ZNF490: variants seen among roughly 807,000 people sequenced by gnomAD.
The protein encoded by ZNF490 is zinc finger protein 490.
A neutral mutation model predicts 17.7 loss-of-function variants in ZNF490; 11 were observed. The ratio of observed to expected loss-of-function variants is 0.62; its 90% CI spans 0.39 to 1.03. The LOEUF (loss-of-function observed/expected upper bound fraction) is 1.03, where lower values mean the gene tolerates loss of function less well. ZNF490 is among the 50% of genes least tolerant of loss of function. The pLI is 0.00. For missense variants in ZNF490, 542 were observed against 643.4 expected (o/e 0.84, Z 1.71); for synonymous variants, 222 against 216.1 (o/e 1.03, Z -0.24).
chr19:12,595,350 C>T (rs2022918971), intron 2 of ZNF490, among the ~76,000 whole-genome samples: 1 of 151,838 alleles, frequency 6.6e-6, no homozygotes, highest in South Asian at 2.1e-4. Context: ...GGTCAGCTCC[C>T]GACCCGCCTG....
Position 12,578,097 on chromosome 19 carries a change from C to G in ZNF490, c.*2388G>C, listed in dbSNP as rs546710415. ...GGAGCGCTGCAGGGTGGGTCCTTTT[C>G]CAAGAAGAGCTAAGTGCTAGTCTTA... On this transcript the variant is annotated 3_prime_UTR_variant, in exon 5 of 5. Coordinates refer to ENST00000311437, the MANE Select transcript of ZNF490 (RefSeq NM_020714.3). The G allele has an allele frequency of 2.0e-6, 2 of 985,344 alleles. No homozygotes were observed. Among genetic ancestry groups the G allele is most frequent in the Non-Finnish European group, 2.4e-6 (2 of 829,984 alleles). The allele number at this position is 985,344 out of a possible 1,614,324, so 61.0% of individuals were successfully genotyped here.
chr19:12,580,256 T>A lies in ZNF490; in HGVS notation c.*229A>T. 1 of 1,297,118 alleles carries A rather than the reference T, an allele frequency of 7.7e-7. No individual in the cohort carries two copies. Among genetic ancestry groups the A allele is most frequent in the Non-Finnish European group, 9.8e-7 (1 of 1,024,360 alleles). The allele number at this position is 1,297,118 out of a possible 1,614,324, so 80.4% of individuals were successfully genotyped here. On this transcript the variant is annotated 3_prime_UTR_variant, in exon 5 of 5. Transcript: ENST00000311437. ...CCTACACTCCATACATTCGTAGCTT[T>A]TCTGTCCATGGAGTCCATTCACATA...
intron 2 of ZNF490, among the ~76,000 whole-genome samples, chr19:12,602,096 ACAC>A (rs2023014418): frequency 6.7e-6 from 1 of 148,740 alleles, no homozygotes; most frequent in African/African-American, 2.5e-5. Flanking sequence ...ACACACACAC[ACAC>A]ACACACACAC....
At chr19:12,591,390 G>A (rs955317501) in intron 2 of ZNF490, among the ~76,000 whole-genome samples, 3 of 147,840 alleles carry the variant, frequency 2.0e-5, no homozygotes, top group African/African-American at 5.0e-5. Flanking sequence ...CATCCCCGCC[G>A]CCCCCCCAAA....
In ZNF490 at chr19:12,579,527, C is replaced by T. The variant is rs1325241112; in HGVS notation, c.*958G>A. On this transcript the variant is annotated 3_prime_UTR_variant, in exon 5 of 5. Coordinates refer to ENST00000311437, the MANE Select transcript of ZNF490 (RefSeq NM_020714.3). ...CAGCCTAGGCAACAGAGTAAGACTC[C>T]AGCTCAAAAAAAAAAAAAAAAAAAA... is the stretch of plus-strand genomic sequence containing the variant. 2 of 127,508 alleles carry T rather than the reference C, an allele frequency of 1.6e-5. No individual in the cohort carries two copies. The highest frequency in any genetic ancestry group is 4.3e-4 in the East Asian group (2 of 4,618). 7.9% of individuals were successfully genotyped at this position (127,508 alleles called of 1,614,324 possible).
At chr19:12,596,591 G>T (rs2022936757) in intron 2 of ZNF490, among the ~76,000 whole-genome samples, 1 of 152,090 alleles carries the variant, frequency 6.6e-6, no homozygotes, top group Non-Finnish European at 1.5e-5. Flanking sequence ...GAGGCGGGAG[G>T]ATCGCTTGAG....
chr19:12,589,090 G>A (rs1034199370), intron 2 of ZNF490, among the ~76,000 whole-genome samples: 2 of 152,200 alleles, frequency 1.3e-5, no homozygotes, highest in Admixed American at 6.5e-5. Context: ...GGGAGGCTGA[G>A]TCAGGCAGAT....
In ZNF490 at chr19:12,578,013, C is replaced by T. The variant is rs147649116; in HGVS notation, c.*2472G>A. ...GTTCACCTTGCCTTGTGATGTGAAG[C>T]AAGGTAGTTCCATGGCTTGTGAACC... On this transcript the variant is annotated 3_prime_UTR_variant, in exon 5 of 5. Coordinates refer to ENST00000311437, the MANE Select transcript of ZNF490 (RefSeq NM_020714.3). 214 of 985,380 alleles carry T rather than the reference C, an allele frequency of 2.2e-4. No homozygotes were observed. In the African/African-American group the frequency reaches 3.5e-3, roughly 16 times the overall value. The allele number at this position is 985,380 out of a possible 1,614,324, so 61.0% of individuals were successfully genotyped here.
Position 12,610,773 on chromosome 19 carries a change from G to A in ZNF490, c.-93C>T. ...CTGCTTCAACACAATTGTCCACGGA[G>A]GGCACCAGTTCCGTCCCACCGGCGG... On this transcript the variant is annotated 5_prime_UTR_variant, in exon 1 of 5. Transcript: ENST00000311437. 8.4e-6 allele frequency: 11 copies of A among 1,304,540 alleles called. No homozygotes were observed. Among genetic ancestry groups the A allele is most frequent in the Non-Finnish European group, 1.2e-5 (11 of 910,906 alleles). The allele number at this position is 1,304,540 out of a possible 1,614,324, so 80.8% of individuals were successfully genotyped here. A position where few individuals can be genotyped will look rare whatever the true frequency, so the allele number is the denominator to read the frequency against.
At chr19:12,604,661 C>CAA (rs56761414) in intron 2 of ZNF490, among the ~76,000 whole-genome samples, 5,826 of 140,580 alleles carry the variant, frequency 0.041, 153 homozygotes, top group African/African-American at 0.068. Flanking sequence ...GACTCTATCT[C>CAA]AAAAAAAAAA....
Position 12,581,678 on chromosome 19 carries a change from A to G in ZNF490, c.397T>C (p.Cys133Arg). 3 of 1,614,018 alleles carry G rather than the reference A, an allele frequency of 1.9e-6. No individual in the cohort carries two copies. The highest frequency in any genetic ancestry group is 1.7e-5 in the Admixed American group (1 of 59,974). Reference protein sequence around the residue: ...ALCENKEDCPCGKSTSQIPDL... With the variant: ...ALCENKEDCPRGKSTSQIPDL... ...GGAATCTGGCTAGTGCTTTTTCCAC[A>G]TGGACAATCTTCTTTATTTTCACAG... is the stretch of plus-strand genomic sequence containing the variant. Residue 133 changes from cysteine to arginine, a missense_variant, in exon 5 of 5, where the codon TGT becomes CGT. Physicochemically the swap from Cys to Arg is radical, Grantham distance 180. Coordinates refer to ENST00000311437, the MANE Select transcript of ZNF490 (RefSeq NM_020714.3).
Position 12,578,643 on chromosome 19 carries a change from C to A in ZNF490, c.*1842G>T. ...TTGGGGAAAAACTGTAAGATGCGAA[C>A]CTTTGTCTTAGAAGTACAGCATTCC... On this transcript the variant is annotated 3_prime_UTR_variant, in exon 5 of 5. Coordinates refer to ENST00000311437, the MANE Select transcript of ZNF490 (RefSeq NM_020714.3). The A allele has an allele frequency of 2.0e-6, 2 of 985,444 alleles. No homozygotes were observed. The highest frequency in any genetic ancestry group is 2.4e-6 in the Non-Finnish European group (2 of 829,954). The allele number at this position is 985,444 out of a possible 1,614,324, so 61.0% of individuals were successfully genotyped here.
chr19:12,603,517 C>G (rs148639189), intron 2 of ZNF490, among the ~76,000 whole-genome samples: 1 of 151,670 alleles, frequency 6.6e-6, no homozygotes, highest in Non-Finnish European at 1.5e-5. Context: ...AAAGGCTGGG[C>G]GCTGGGGCTC....
At chr19:12,609,043 G>A (rs2023107934) in intron 2 of ZNF490, 115 bp downstream of exon 2, 7 of 876,536 alleles carry the variant, frequency 8.0e-6, no homozygotes, top group Non-Finnish European at 1.3e-5. Flanking sequence ...GACTATGGGA[G>A]TGCCTTCACA....
At chr19:12,604,781 G>A (rs2023047895) in intron 2 of ZNF490, among the ~76,000 whole-genome samples, 1 of 151,390 alleles carries the variant, frequency 6.6e-6, no homozygotes, top group South Asian at 2.1e-4. Flanking sequence ...CTGAGATCGC[G>A]CCATTGCACT....
rs2145133793 is a variant in ZNF490, at chr19:12,576,725, G to A, written c.*3760C>T. On this transcript the variant is annotated 3_prime_UTR_variant, in exon 5 of 5. Coordinates refer to ENST00000311437, the MANE Select transcript of ZNF490 (RefSeq NM_020714.3). The stretch of plus-strand genomic sequence containing the variant: ...CCAGCTACTCAGGAGGCTGAGGCAG[G>A]AGAATTGCTTGAACCTGAGAAGTGG... 6.8e-6 allele frequency among the ~76,000 whole-genome samples: 1 copy of A among 146,840 alleles called. No individual in the cohort carries two copies. Among genetic ancestry groups the A allele is most frequent in the Non-Finnish European group, 1.5e-5 (1 of 67,524 alleles).
At chr19:12,604,653 C>A (rs2023045895) in intron 2 of ZNF490, among the ~76,000 whole-genome samples, 1 of 119,022 alleles carries the variant, frequency 8.4e-6, no homozygotes, top group Non-Finnish European at 1.8e-5. Flanking sequence ...AAGAGTGAGA[C>A]TCTATCTCAA....
chr19:12,599,743 G>C (rs2022978857), intron 2 of ZNF490, among the ~76,000 whole-genome samples: 1 of 151,912 alleles, frequency 6.6e-6, no homozygotes, highest in Non-Finnish European at 1.5e-5. Flanking sequence ...ATTATAAGAA[G>C]GCATGGGAAT....
intron 2 of ZNF490, among the ~76,000 whole-genome samples, chr19:12,604,814 A>G (rs1441384540): frequency 6.7e-6 from 1 of 150,116 alleles, no homozygotes; most frequent in African/African-American, 2.5e-5. Flanking sequence ...ACAAGAGCAA[A>G]ACTCCGTCTC....
Sources: allele counts gnomAD v4.1 joint callset (sites outside exome capture counted in the v4.1 genomes callset), GRCh38; gene constraint gnomAD v4.1.1; transcripts MANE v1.5; gene names NCBI Gene and HGNC (gene_info 2026-07-23, HGNC 2026-07-21).